KRT79: variants seen among roughly 807,000 people sequenced by gnomAD.
KRT79 encodes the protein keratin, type II cytoskeletal 79.
Under a neutral mutation model 49.0 loss-of-function variants are expected in KRT79, and 51 were observed. The observed-to-expected ratio is 1.04, with a 90% confidence interval of 0.83 to 1.31. The LOEUF (loss-of-function observed/expected upper bound fraction) is 1.31. KRT79 is among the 40% of genes most tolerant of loss of function. KRT79 has a pLI of 0.00. For synonymous variants in KRT79, 312 were observed against 286.6 expected, an observed-to-expected ratio of 1.09 and a Z score of -0.90; for missense variants, 728 against 688.0, an observed-to-expected ratio of 1.06 and a Z score of -0.65.
chr12:52,828,409 C>A (rs1940205299), intron 4 of KRT79, among the ~76,000 whole-genome samples: 1 of 152,188 alleles, frequency 6.6e-6, no homozygotes, highest in Non-Finnish European at 1.5e-5. Context: ...ATTGCCTTAA[C>A]ATGTGTATCA....
intron 4 of KRT79, among the ~76,000 whole-genome samples, chr12:52,827,289 C>A (rs1243161313): frequency 6.6e-6 from 1 of 152,270 alleles, no homozygotes; most frequent in Non-Finnish European, 1.5e-5. Flanking sequence ...CACTTGATAA[C>A]CTGGCCCCAC....
At chr12:52,833,682 C>G (rs996494381) in intron 1 of KRT79, 102 bp downstream of exon 1, 5 of 934,842 alleles carry the variant, frequency 5.3e-6, no homozygotes, top group Non-Finnish European at 8.7e-6. Flanking sequence ...TCAACCACCA[C>G]CCTAGTACAA....
At chr12:52,833,406 T>C (rs1473151001) in intron 1 of KRT79, among the ~76,000 whole-genome samples, 2 of 152,064 alleles carry the variant, frequency 1.3e-5, no homozygotes, top group Non-Finnish European at 2.9e-5. Context: ...AGCTGTAAAA[T>C]GACAAAAGGC....
intron 1 of KRT79, among the ~76,000 whole-genome samples, chr12:52,832,852 C>T (rs570734181): frequency 6.6e-6 from 1 of 152,294 alleles, no homozygotes; most frequent in South Asian, 2.1e-4. Context: ...CTCTCTAGAC[C>T]TCAATTTTCT....
At position 52,826,879 on chromosome 12, in the gene KRT79, G is replaced by A. The variant is rs141212628; in HGVS notation, c.856-2517C>T. Among the ~76,000 whole-genome samples the A allele has an allele frequency of 7.0e-4, 106 of 152,228 alleles. No homozygotes were observed. In the East Asian group the frequency reaches 0.018, roughly 26 times the overall value. ...AGCCATGCTGGTTCCGTGACTGATCGAGCCCATGAGGCAGCAACAGAACAA... is the reference window on the plus strand; with the variant it reads ...AGCCATGCTGGTTCCGTGACTGATCAAGCCCATGAGGCAGCAACAGAACAA... On this transcript the variant is annotated intron_variant, in intron 4 of 8. Coordinates refer to ENST00000330553, the MANE Select transcript of KRT79 (RefSeq NM_175834.3).
rs142615234 is a variant in KRT79, at chr12:52,822,784, G to A, written c.1367+232C>T. On this transcript the variant is annotated intron_variant, in intron 7 of 8. Transcript: ENST00000330553. ...GCTGGTGAAATCTGCTGGTGGAAGA[G>A]GAAGTTCCATTCCTACCGGGCTGTC... Among the ~76,000 whole-genome samples, 867 of 152,308 alleles carry A rather than the reference G, an allele frequency of 5.7e-3. 9 individuals are homozygous for A. Among genetic ancestry groups the A allele is most frequent in the African/African-American group, 0.02 (819 of 41,570 alleles).
At chr12:52,833,725 T>A (rs1248981667) in intron 1 of KRT79, 59 bp downstream of exon 1, 1 of 1,390,946 alleles carries the variant, frequency 7.2e-7, no homozygotes, top group Non-Finnish European at 1.0e-6. Context: ...CAGCCCACCC[T>A]CTATTAGAGG....
chr12:52,830,267 T>G lies in KRT79; in HGVS notation c.724A>C (p.Thr242Pro). 1 of 1,614,214 alleles carries G rather than the reference T, an allele frequency of 6.2e-7. No homozygotes were observed. Among genetic ancestry groups the G allele is most frequent in the Non-Finnish European group, 8.5e-7 (1 of 1,180,032 alleles). ...ACCACAAACTCGTTCTCTGCAGCAG[T>G]GTGCTTGTTGATTTCATCCTCGTAC... ...NKYEDEINKH[T>P]AAENEFVVLK... The change falls in exon 3 of 9, where the codon ACT becomes CCT. Residue 242 changes from threonine (T) to proline (P), a missense_variant. Transcript: ENST00000330553.
At position 52,831,606 on chromosome 12, in the gene KRT79, C is replaced by G; in HGVS notation, c.498G>C (p.Gln166His). The G allele has an allele frequency of 1.2e-6, 2 of 1,614,172 alleles. No individual in the cohort carries two copies. The highest frequency in any genetic ancestry group is 1.7e-6 in the Non-Finnish European group (2 of 1,180,004). ...CCCACTTGGTCTCCAGCACCTTATTCTGTTGCTCCAGGAACCGCACCTGAG... is the reference window on the plus strand; with the variant it reads ...CCCACTTGGTCTCCAGCACCTTATTGTGTTGCTCCAGGAACCGCACCTGAG... ...FIDKVRFLEQ[Q>H]NKVLETKWAL... The change falls in exon 2 of 9, where the codon CAG becomes CAC. Residue 166 changes from glutamine (Q) to histidine (H), a missense_variant. Gln to His is a conservative substitution (Grantham distance 24). Coordinates refer to ENST00000330553, the MANE Select transcript of KRT79 (RefSeq NM_175834.3).
At position 52,821,719 on chromosome 12, in the gene KRT79, C is replaced by T. The variant is rs148927112; in HGVS notation, c.*153G>A. 5.9e-5 allele frequency: 40 copies of T among 678,548 alleles called. No individual in the cohort carries two copies. Among genetic ancestry groups the T allele is most frequent in the East Asian group, 5.7e-4 (21 of 36,746 alleles). The allele number at this position is 678,548 out of a possible 1,614,324, so 42.0% of individuals were successfully genotyped here. The stretch of plus-strand genomic sequence containing the variant: ...AGGAGAAAACCTGAGTAGATTTGAG[C>T]GCTTCCCAAGATGCAAATAGTCTGG... On this transcript the variant is annotated 3_prime_UTR_variant, in exon 9 of 9. Transcript: ENST00000330553.
intron 4 of KRT79, among the ~76,000 whole-genome samples, chr12:52,825,057 C>T (rs765157601): frequency 3.3e-5 from 5 of 152,186 alleles, no homozygotes; most frequent in East Asian, 1.9e-4. Flanking sequence ...CTGTGAATGG[C>T]GGGTTAGGTG....
chr12:52,830,962 C>T (rs1940244236), intron 2 of KRT79, among the ~76,000 whole-genome samples: 1 of 152,014 alleles, frequency 6.6e-6, no homozygotes, highest in South Asian at 2.1e-4. Context: ...ACTACATTCA[C>T]ATGCAGATAT....
Position 52,821,614 on chromosome 12 carries a change from A to T in KRT79, c.*258T>A. On this transcript the variant is annotated 3_prime_UTR_variant, in exon 9 of 9. Coordinates refer to ENST00000330553, the MANE Select transcript of KRT79 (RefSeq NM_175834.3). ...GAAATTCAGCCTCCTCTCGGTGGTC[A>T]AAAGGTCACCCCCAAGTCACCCAAG... 3 of 391,626 alleles carry T rather than the reference A, an allele frequency of 7.7e-6. No individual in the cohort carries two copies. The highest frequency in any genetic ancestry group is 3.2e-5 in the South Asian group (1 of 30,846). The allele number at this position is 391,626 out of a possible 1,614,324, so 24.3% of individuals were successfully genotyped here. A position where few individuals can be genotyped will look rare whatever the true frequency, so the allele number is the denominator to read the frequency against.
In KRT79 at chr12:52,831,513, G is replaced by A; in HGVS notation, c.591C>T (p.Ala197=). Residue 197 remains alanine, a synonymous_variant, in exon 2 of 9, where the codon GCC becomes GCT. Coordinates refer to ENST00000330553, the MANE Select transcript of KRT79 (RefSeq NM_175834.3). ...GCGTGCTCCGCATGCTACCCAGGTA[G>A]GCCTCAAAGAGGGGCTCCAGGTTGT... The part of the protein sequence containing the change: ...TRNNLEPLFE[A]YLGSMRSTLD... 6.2e-7 allele frequency: 1 copy of A among 1,614,240 alleles called. No homozygotes were observed. Among genetic ancestry groups the A allele is most frequent in the Non-Finnish European group, 8.5e-7 (1 of 1,180,054 alleles).
intron 4 of KRT79, among the ~76,000 whole-genome samples, chr12:52,824,843 T>C (rs1329486032): frequency 6.6e-6 from 1 of 152,128 alleles, no homozygotes; most frequent in Admixed American, 6.5e-5. Flanking sequence ...CATGGACAAG[T>C]GAGGAAAGAG....
At chr12:52,826,389 T>G (rs1276976417) in intron 4 of KRT79, among the ~76,000 whole-genome samples, 1 of 151,882 alleles carries the variant, frequency 6.6e-6, no homozygotes, top group Non-Finnish European at 1.5e-5. Flanking sequence ...GACGTGCGCC[T>G]GTAATCCCAG....
intron 1 of KRT79, among the ~76,000 whole-genome samples, chr12:52,832,160 C>A: frequency 6.6e-6 from 1 of 152,006 alleles, no homozygotes; most frequent in Non-Finnish European, 1.5e-5. Flanking sequence ...CCCAGCTACT[C>A]AGGAGGCTGA....
rs758181415 is a variant in KRT79, at chr12:52,823,087, C to T, written c.1296G>A (p.Leu432=). 4 of 1,614,168 alleles carry T rather than the reference C, an allele frequency of 2.5e-6. No individual in the cohort carries two copies. Among genetic ancestry groups the T allele is most frequent in the Non-Finnish European group, 3.4e-6 (4 of 1,180,014 alleles). ...CGTCCAGGGCCAGCTTGACATTCATCAGCTCCTGGTAGTCACGCAGCAGCC... is the reference window on the plus strand; with the variant it reads ...CGTCCAGGGCCAGCTTGACATTCATTAGCTCCTGGTAGTCACGCAGCAGCC... ...LTRLLRDYQE[L]MNVKLALDVE... The change falls in exon 7 of 9, where the codon CTG becomes CTA. Residue 432 remains leucine (L), a synonymous_variant. Transcript: ENST00000330553.
At position 52,834,204 on chromosome 12, in the gene KRT79, G is replaced by T. The variant is rs1227979087; in HGVS notation, c.57C>A (p.Asn19Lys). The change falls in exon 1 of 9, where the codon AAC becomes AAA. Residue 19 changes from asparagine to lysine, a missense_variant. Asn to Lys is a moderately conservative substitution (Grantham distance 94, BLOSUM62 0). Coordinates refer to ENST00000330553, the MANE Select transcript of KRT79 (RefSeq NM_175834.3). ...TYSTKGGFSS[N>K]SASGGSGSQA... ...GGGACCCACTCCCTCCGCTGGCAGA[G>T]TTGGAGCTGAAGCCCCCTTTTGTGG... The T allele has an allele frequency of 1.2e-6, 2 of 1,613,934 alleles. No homozygotes were observed. The highest frequency in any genetic ancestry group is 1.7e-6 in the Non-Finnish European group (2 of 1,180,028).
Sources: gnomAD v4.1 joint callset for allele counts (sites outside exome capture counted in the v4.1 genomes callset) on GRCh38, gnomAD v4.1.1 for gene constraint, MANE v1.5 for transcripts, NCBI Gene and HGNC (gene_info 2026-07-23, HGNC 2026-07-21) for gene names.